Variants in TPTE observed in about 807,000 individuals in gnomAD.
TPTE encodes putative tyrosine-protein phosphatase TPTE.
A neutral mutation model predicts 84.1 loss-of-function variants in TPTE; 59 were observed. The ratio of observed to expected loss-of-function variants is 0.70; its 90% confidence interval spans 0.57 to 0.87. The LOEUF (loss-of-function observed/expected upper bound fraction) is 0.87. TPTE is among the 40% of genes least tolerant of loss of function. The pLI is 0.00. For missense variants in TPTE, 382 were observed against 659.6 expected (o/e 0.58, Z 4.61); for synonymous variants, 130 against 223.5 (o/e 0.58, Z 3.73).
chr21:10,587,742 G>T (rs1485308415), intron 17 of TPTE, among the ~76,000 whole-genome samples: 2 of 152,300 alleles, frequency 1.3e-5, no homozygotes, highest in East Asian at 1.9e-4. Flanking sequence ...TAGAGATAGG[G>T]TTTCACCAAG....
At chr21:10,542,595 CCATCCATCCATT>C (rs1226999333) in intron 6 of TPTE, 147 bp downstream of exon 6, 6 of 1,143,924 alleles carry the variant, frequency 5.2e-6, no homozygotes, top group South Asian at 1.4e-5. Context: ...ATCCATTCAT[CCATCCATCCATT>C]CATCCATCCA....
intron 2 of TPTE, among the ~76,000 whole-genome samples, chr21:10,526,537 T>G (rs970714060): frequency 3.9e-5 from 6 of 152,304 alleles, no homozygotes; most frequent in African/African-American, 1.2e-4. Flanking sequence ...CCAGTTGTTA[T>G]CAGCAGCAAA....
At chr21:10,553,159 GGATTTTATTC>G (rs1228207244) in intron 8 of TPTE, among the ~76,000 whole-genome samples, 2 of 152,300 alleles carry the variant, frequency 1.3e-5, no homozygotes, top group Non-Finnish European at 2.9e-5. Flanking sequence ...ATGCTCATTG[GGATTTTATTC>G]TTATTTGTTT....
chr21:10,555,091 CACCTTCTATTGAT>C (rs1438988511), intron 8 of TPTE, among the ~76,000 whole-genome samples: 1 of 152,308 alleles, frequency 6.6e-6, no homozygotes, highest in Non-Finnish European at 1.5e-5. Context: ...ATGTAGCTTC[CACCTTCTATTGAT>C]AAAAAATGAG....
chr21:10,580,242 T>C (rs1304302528), intron 17 of TPTE, among the ~76,000 whole-genome samples: 1 of 152,310 alleles, frequency 6.6e-6, no homozygotes, highest in South Asian at 2.1e-4. Flanking sequence ...ATTCCTTTTT[T>C]AAAAAATCTG....
intron 19 of TPTE, among the ~76,000 whole-genome samples, chr21:10,593,765 T>C (rs1286531278): frequency 2.0e-5 from 3 of 152,428 alleles, no homozygotes; most frequent in Non-Finnish European, 4.4e-5. Context: ...CTTTTCTATA[T>C]TGCCCCTGAA....
At chr21:10,539,309 A>G (rs1303425196) in intron 4 of TPTE, among the ~76,000 whole-genome samples, 1 of 152,308 alleles carries the variant, frequency 6.6e-6, no homozygotes, top group Non-Finnish European at 1.5e-5. Context: ...CTGTCAACAT[A>G]TGAGGTTGGT....
intron 21 of TPTE, among the ~76,000 whole-genome samples, chr21:10,600,401 A>G (rs1289325345): frequency 2.6e-5 from 4 of 152,300 alleles, no homozygotes; most frequent in Non-Finnish European, 5.9e-5. Flanking sequence ...AACCTACCAA[A>G]GTGCTAGGAT....
chr21:10,542,187 A>G (rs1164195778), intron 5 of TPTE, among the ~76,000 whole-genome samples: 1 of 152,300 alleles, frequency 6.6e-6, no homozygotes, highest in Non-Finnish European at 1.5e-5. Context: ...AAGCATTACT[A>G]TTTTCCCCCG....
At chr21:10,545,000 ATAAC>A (rs1226905776) in intron 7 of TPTE, among the ~76,000 whole-genome samples, 5 of 152,310 alleles carry the variant, frequency 3.3e-5, no homozygotes, top group African/African-American at 9.6e-5. Context: ...TTTCAAATAA[ATAAC>A]TGATTAATGT....
At chr21:10,582,131 T>C (rs1485719529) in intron 17 of TPTE, among the ~76,000 whole-genome samples, 1 of 152,312 alleles carries the variant, frequency 6.6e-6, no homozygotes, top group African/African-American at 2.4e-5. Context: ...CACCCCCCTA[T>C]ACTGATGTAG....
At chr21:10,525,906 A>C (rs1355270214) in intron 2 of TPTE, among the ~76,000 whole-genome samples, 1 of 152,312 alleles carries the variant, frequency 6.6e-6, no homozygotes, top group African/African-American at 2.4e-5. Flanking sequence ...TTGCTTAGCA[A>C]TCCTGGCTTG....
intron 3 of TPTE, among the ~76,000 whole-genome samples, chr21:10,533,638 T>G (rs1441548103): frequency 1.3e-5 from 2 of 152,310 alleles, no homozygotes; most frequent in African/African-American, 4.8e-5. Flanking sequence ...GTGTCCTGGT[T>G]TGGGCAGGAA....
intron 19 of TPTE, among the ~76,000 whole-genome samples, chr21:10,594,372 G>C: frequency 6.6e-6 from 1 of 152,312 alleles, no homozygotes; most frequent in African/African-American, 2.4e-5. Context: ...CTAGTTATTT[G>C]AAGTGGTGAC....
intron 7 of TPTE, among the ~76,000 whole-genome samples, chr21:10,548,380 G>T (rs1237277753): frequency 1.9e-4 from 29 of 152,414 alleles, no homozygotes; most frequent in Non-Finnish European, 3.1e-4. Flanking sequence ...CAGCCAATCA[G>T]CCATGAATGC....
At chr21:10,589,938 T>A (rs1234133327) in intron 17 of TPTE, among the ~76,000 whole-genome samples, 1 of 152,312 alleles carries the variant, frequency 6.6e-6, no homozygotes, top group Non-Finnish European at 1.5e-5. Flanking sequence ...TCTGCCATCT[T>A]GGAAAAAACA....
intron 8 of TPTE, among the ~76,000 whole-genome samples, chr21:10,557,273 A>G (rs571237382): frequency 1.5e-3 from 231 of 152,330 alleles, no homozygotes; most frequent in Non-Finnish European, 2.9e-3. Flanking sequence ...TTACTGAGTC[A>G]TAGTTATTTC....
chr21:10,574,740 G>T (rs1334852286), intron 14 of TPTE, among the ~76,000 whole-genome samples: 2 of 152,310 alleles, frequency 1.3e-5, no homozygotes, highest in African/African-American at 4.8e-5. Flanking sequence ...GAGTGAGTGT[G>T]CAGTCCTGCC....
At chr21:10,533,677 G>A (rs1309868249) in intron 3 of TPTE, among the ~76,000 whole-genome samples, 7 of 152,306 alleles carry the variant, frequency 4.6e-5, no homozygotes, top group African/African-American at 1.7e-4. Flanking sequence ...TGAAATCTAG[G>A]ACGTAAGCTG....
Sources: gnomAD v4.1 joint callset for allele counts (sites outside exome capture counted in the v4.1 genomes callset) on GRCh38, gnomAD v4.1.1 for gene constraint, MANE v1.5 for transcripts, NCBI Gene and HGNC (gene_info 2026-07-23, HGNC 2026-07-21) for gene names.